Variants in MTMR7 observed in about 807,000 individuals in gnomAD.
The protein encoded by MTMR7 is myotubularin related protein 7.
Under a neutral mutation model 81.2 loss-of-function variants are expected in MTMR7, and 76 were observed. The ratio of observed to expected loss-of-function variants is 0.94; its 90% confidence interval spans 0.78 to 1.13. The LOEUF is 1.13. MTMR7 is among the 50% of genes most tolerant of loss of function. The pLI, the probability that MTMR7 is intolerant of heterozygous loss-of-function variation, is 0.00. For synonymous variants in MTMR7, 372 were observed against 289.8 expected (o/e 1.28, Z -2.88); for missense variants, 1,044 against 820.0 (o/e 1.27, Z -3.34).
chr8:17,303,512 A>C (rs1383847597), intron 12 of MTMR7, among the ~76,000 whole-genome samples: 1 of 152,156 alleles, frequency 6.6e-6, no homozygotes, highest in Non-Finnish European at 1.5e-5. Flanking sequence ...TACAAGCCTA[A>C]CAAGGAAGCC....
At chr8:17,361,833 G>A (rs1052698087) in intron 3 of MTMR7, among the ~76,000 whole-genome samples, 3 of 152,194 alleles carry the variant, frequency 2.0e-5, no homozygotes, top group African/African-American at 7.2e-5. Flanking sequence ...TATCGTAATT[G>A]TGCTGCTCAT....
In MTMR7 at chr8:17,299,897, G is replaced by C; in HGVS notation, c.1948C>G (p.Arg650Gly). Residue 650 changes from arginine to glycine, a missense_variant, in exon 14 of 14, where the codon CGG becomes GGG. Arg to Gly is a moderately radical substitution (Grantham distance 125). Coordinates refer to ENST00000180173, the MANE Select transcript of MTMR7 (RefSeq NM_004686.5). ...AGAAACACGGCTTCATCAGAATCCC[G>C]GTCCTTGCCACTATCTTCACTCGGT... The part of the protein sequence containing the change: ...HAPSEDSGKD[R>G]DSDEAVFLTA The C allele has an allele frequency of 6.2e-7, 1 of 1,614,058 alleles. No individual in the cohort carries two copies. Among genetic ancestry groups the C allele is most frequent in the Non-Finnish European group, 8.5e-7 (1 of 1,179,982 alleles).
chr8:17,402,601 T>C (rs1259193916), intron 1 of MTMR7, among the ~76,000 whole-genome samples: 3 of 152,354 alleles, frequency 2.0e-5, no homozygotes, highest in South Asian at 4.1e-4. Flanking sequence ...CTCCTCCTTT[T>C]TTATGCCTGA....
intron 3 of MTMR7, among the ~76,000 whole-genome samples, chr8:17,361,792 G>A (rs747288008): frequency 1.4e-4 from 22 of 152,142 alleles, no homozygotes; most frequent in Admixed American, 3.3e-4. Context: ...GTTTGCATTG[G>A]AAACATCTGA....
At chr8:17,339,232 T>C (rs1395410140) in intron 6 of MTMR7, among the ~76,000 whole-genome samples, 2 of 152,168 alleles carry the variant, frequency 1.3e-5, no homozygotes, top group Non-Finnish European at 2.9e-5. Flanking sequence ...TGTTGTAATG[T>C]TTATTTCCTA....
At chr8:17,308,434 C>A (rs1182157701) in intron 10 of MTMR7, among the ~76,000 whole-genome samples, 1 of 151,986 alleles carries the variant, frequency 6.6e-6, no homozygotes. Context: ...AATAGAATTC[C>A]TGAAAATCAC....
In MTMR7 at chr8:17,371,057, A is replaced by T; in HGVS notation, c.290T>A (p.Leu97Gln). Residue 97 changes from leucine (L) to glutamine (Q), a missense_variant, in exon 3 of 14, where the codon CTG (leucine) becomes CAG (glutamine). Transcript: ENST00000180173. Reference protein sequence around the residue: ...ERDCHDVYISLIRLARPVKYE... With the variant: ...ERDCHDVYISQIRLARPVKYE... Reference sequence around the variant, plus strand: ...CCTACCTGGCCTTGCAAGGCGTATCAGGGAGATGTACACGTCGTGGCAATC... The same window carrying T: ...CCTACCTGGCCTTGCAAGGCGTATCTGGGAGATGTACACGTCGTGGCAATC... The T allele has an allele frequency of 6.2e-7, 1 of 1,613,944 alleles. No homozygotes were observed. The highest frequency in any genetic ancestry group is 1.1e-5 in the South Asian group (1 of 91,010).
At chr8:17,304,102 T>G (rs1010510481) in intron 12 of MTMR7, among the ~76,000 whole-genome samples, 8 of 152,224 alleles carry the variant, frequency 5.3e-5, no homozygotes, top group Admixed American at 5.2e-4. Flanking sequence ...TCTCTTTCAT[T>G]TGCTTTTAAA....
chr8:17,406,109 G>C (rs1209168585), intron 1 of MTMR7, among the ~76,000 whole-genome samples: 1 of 151,912 alleles, frequency 6.6e-6, no homozygotes, highest in Non-Finnish European at 1.5e-5. Flanking sequence ...AATATACATA[G>C]ATATGACACA....
chr8:17,412,308 G>A (rs1821756371), intron 1 of MTMR7, among the ~76,000 whole-genome samples: 1 of 152,124 alleles, frequency 6.6e-6, no homozygotes, highest in Admixed American at 6.5e-5. Context: ...GGAACCACCT[G>A]AGCTATGGCC....
intron 7 of MTMR7, among the ~76,000 whole-genome samples, chr8:17,319,267 CT>C (rs1388090137): frequency 2.0e-5 from 3 of 152,144 alleles, no homozygotes; most frequent in Non-Finnish European, 4.4e-5. Context: ...ATAAAAACAC[CT>C]TCCTCAAACA....
At chr8:17,375,918 T>A (rs967113288) in intron 1 of MTMR7, among the ~76,000 whole-genome samples, 1 of 152,230 alleles carries the variant, frequency 6.6e-6, no homozygotes, top group Non-Finnish European at 1.5e-5. Context: ...ATATAACTCA[T>A]ATACCATACG....
chr8:17,371,006 C>T, intron 3 of MTMR7, 31 bp downstream of exon 3: 1 of 1,596,938 alleles, frequency 6.3e-7, no homozygotes, highest in South Asian at 1.1e-5. Context: ...AAGAGAGGTT[C>T]CATATTAAAT....
At chr8:17,407,528 G>T (rs1162601350) in intron 1 of MTMR7, among the ~76,000 whole-genome samples, 1 of 151,758 alleles carries the variant, frequency 6.6e-6, no homozygotes, top group Non-Finnish European at 1.5e-5. Context: ...ATAATGAGAT[G>T]TTCATCAGGA....
At position 17,302,179 on chromosome 8, in the gene MTMR7, T is replaced by C. The variant is rs762165708; in HGVS notation, c.1595A>G (p.Glu532Gly). The C allele has an allele frequency of 1.5e-5, 25 of 1,614,068 alleles. No individual in the cohort carries two copies. The highest frequency in any genetic ancestry group is 5.5e-5 in the South Asian group (5 of 91,094). ...TTCTTCCAGGGCCTCTAGTTCTTCC[T>C]CTAGCTGCTGAGTTTCTTCCTTCAC... ...MAVKEETQQL[E>G]EELEALEERL... is the part of the protein sequence containing the mutation. Residue 532 changes from glutamate (E) to glycine (G), a missense_variant, in exon 13 of 14, where the codon GAG (glutamate) becomes GGG (glycine). Transcript: ENST00000180173.
chr8:17,363,811 G>C (rs1820131746), intron 3 of MTMR7, among the ~76,000 whole-genome samples: 1 of 151,356 alleles, frequency 6.6e-6, no homozygotes, highest in African/African-American at 2.4e-5. Flanking sequence ...AAGTTTTACT[G>C]AATTGTTCCC....
At chr8:17,382,754 GAC>G (rs1820798415) in intron 1 of MTMR7, among the ~76,000 whole-genome samples, 1 of 152,180 alleles carries the variant, frequency 6.6e-6, no homozygotes, top group African/African-American at 2.4e-5. Flanking sequence ...TAAAAATTCA[GAC>G]AGAGTCCTTT....
At chr8:17,410,026 A>G (rs1022615565) in intron 1 of MTMR7, among the ~76,000 whole-genome samples, 1 of 152,168 alleles carries the variant, frequency 6.6e-6, no homozygotes, top group Non-Finnish European at 1.5e-5. Flanking sequence ...TTCTCACTTT[A>G]TATCCTGGGT....
At chr8:17,305,443 C>G (rs1817385827) in intron 11 of MTMR7, among the ~76,000 whole-genome samples, 1 of 152,152 alleles carries the variant, frequency 6.6e-6, no homozygotes, top group Non-Finnish European at 1.5e-5. Context: ...CCAAATATAT[C>G]TAACCTTTTC....
Sources: allele counts gnomAD v4.1 joint callset (sites outside exome capture counted in the v4.1 genomes callset), GRCh38; gene constraint gnomAD v4.1.1; transcripts MANE v1.5; gene names NCBI Gene and HGNC (gene_info 2026-07-23, HGNC 2026-07-21).